PRKCE: variants seen among roughly 807,000 people sequenced by gnomAD.
PRKCE encodes protein kinase C epsilon, also known as protein kinase C epsilon type.
In PRKCE, 16 loss-of-function variants were observed where a neutral mutation model predicts 85.4. The ratio of observed to expected loss-of-function variants is 0.19; its 90% confidence interval spans 0.13 to 0.28. The LOEUF (loss-of-function observed/expected upper bound fraction) is 0.28. PRKCE is among the 10% of genes least tolerant of loss of function. The pLI, the probability that PRKCE is intolerant of heterozygous loss-of-function variation, is 1.00. For missense variants in PRKCE, 573 were observed against 975.2 expected (o/e 0.59, Z 5.49); for synonymous variants, 388 against 371.5 (o/e 1.04, Z -0.51).
Position 45,843,075 on chromosome 2 carries a change from T to G in PRKCE, c.412+12T>G, listed in dbSNP as rs747412773. The G allele has an allele frequency of 1.2e-6, 2 of 1,612,548 alleles. No individual in the cohort carries two copies. Among genetic ancestry groups the G allele is most frequent in the East Asian group, 4.5e-5 (2 of 44,868 alleles). On this transcript the variant is annotated intron_variant, in intron 2 of 14. Transcript: ENST00000306156. Reference sequence around the variant, plus strand: ...GTCGTCGGGTGAAGGTAGGAGAGCGTGACTTCTCATCCCTGTTTTCTTCCA... The same window carrying G: ...GTCGTCGGGTGAAGGTAGGAGAGCGGGACTTCTCATCCCTGTTTTCTTCCA...
At chr2:45,874,269 A>G (rs1694308654) in intron 2 of PRKCE, among the ~76,000 whole-genome samples, 1 of 152,190 alleles carries the variant, frequency 6.6e-6, no homozygotes, top group African/African-American at 2.4e-5. Flanking sequence ...GCCTGCAGGA[A>G]TATTTGGTCA....
chr2:45,949,294 C>G (rs1473260574), intron 2 of PRKCE, among the ~76,000 whole-genome samples: 1 of 151,976 alleles, frequency 6.6e-6, no homozygotes, highest in East Asian at 1.9e-4. Context: ...TTTTTGTCAA[C>G]TAATAAATAC....
intron 1 of PRKCE, among the ~76,000 whole-genome samples, chr2:45,787,913 C>G (rs1686736503): frequency 6.6e-6 from 1 of 152,166 alleles, no homozygotes. Flanking sequence ...TGCGATCCTG[C>G]CAGCCACAGA....
chr2:46,117,626 T>A (rs141416082), intron 11 of PRKCE, among the ~76,000 whole-genome samples: 1 of 152,338 alleles, frequency 6.6e-6, no homozygotes, highest in African/African-American at 2.4e-5. Flanking sequence ...ATGTGGGTCC[T>A]AAGCCAGTTC....
rs1553336284 is a variant in PRKCE, at chr2:46,064,297, A to AAAAAAG, written c.1438-21900_1438-21895dup. ...CTCTGTCTCAAAAAAAAAAAAAAAAAAAAAAGAAAAAGAAAATTGTTAACT... is the reference window on the plus strand; with the variant it reads ...CTCTGTCTCAAAAAAAAAAAAAAAAAAAAAAGAAAAAGAAAAAGAAAATTGTTAACT... On this transcript the variant is annotated intron_variant, in intron 10 of 14. Coordinates refer to ENST00000306156, the MANE Select transcript of PRKCE (RefSeq NM_005400.3). Among the ~76,000 whole-genome samples, 316 of 140,740 alleles carry AAAAAAG rather than the reference A, an allele frequency of 2.2e-3. 2 individuals carry two copies. Among genetic ancestry groups the AAAAAAG allele is most frequent in the African/African-American group, 2.9e-3 (105 of 35,700 alleles). 92.3% of individuals were successfully genotyped at this position (140,740 alleles called of 152,430 possible).
At chr2:46,162,777 AG>A (rs1677910349) in intron 14 of PRKCE, among the ~76,000 whole-genome samples, 1 of 152,210 alleles carries the variant, frequency 6.6e-6, no homozygotes, top group South Asian at 2.1e-4. Context: ...CCTTGGCACT[AG>A]AGATTTCTCT....
At chr2:45,870,146 C>G (rs1693974882) in intron 2 of PRKCE, among the ~76,000 whole-genome samples, 3 of 152,212 alleles carry the variant, frequency 2.0e-5, no homozygotes, top group Non-Finnish European at 4.4e-5. Context: ...TGAAGGGCTC[C>G]TCACATCTGA....
intron 2 of PRKCE, among the ~76,000 whole-genome samples, chr2:45,904,556 G>T (rs1043483731): frequency 6.6e-6 from 1 of 152,166 alleles, no homozygotes; most frequent in Non-Finnish European, 1.5e-5. Flanking sequence ...TGCTCGGTGG[G>T]TTGGGCTCTG....
chr2:45,932,754 A>C (rs1253153561), intron 2 of PRKCE, among the ~76,000 whole-genome samples: 2 of 152,170 alleles, frequency 1.3e-5, no homozygotes, highest in African/African-American at 4.8e-5. Context: ...CGTCTTTCCA[A>C]GTTGAAATTC....
chr2:45,984,040 C>T (rs928933847), intron 5 of PRKCE, among the ~76,000 whole-genome samples: 7 of 150,738 alleles, frequency 4.6e-5, no homozygotes, highest in African/African-American at 1.7e-4. Context: ...CGGATTCAAG[C>T]AATTCTCCTG....
At chr2:45,761,940 C>T (rs1684540631) in intron 1 of PRKCE, among the ~76,000 whole-genome samples, 1 of 152,120 alleles carries the variant, frequency 6.6e-6, no homozygotes, top group Non-Finnish European at 1.5e-5. Flanking sequence ...TTCAGGACCA[C>T]CCAGCAAGTT....
At chr2:45,912,618 G>A (rs1697464842) in intron 2 of PRKCE, among the ~76,000 whole-genome samples, 1 of 152,116 alleles carries the variant, frequency 6.6e-6, no homozygotes, top group East Asian at 1.9e-4. Context: ...GCCAACCTGG[G>A]GACCATGAGA....
chr2:45,803,451 T>A (rs1688021701), intron 1 of PRKCE, among the ~76,000 whole-genome samples: 1 of 152,210 alleles, frequency 6.6e-6, no homozygotes, highest in Non-Finnish European at 1.5e-5. Flanking sequence ...TCCACTCTCT[T>A]TAGGCAAGGA....
rs535734657 is a variant in PRKCE at position 45,693,861 on chromosome 2, C to T, written c.348+41413C>T. 6.6e-5 allele frequency among the ~76,000 whole-genome samples: 10 copies of T among 151,906 alleles called. No homozygotes were observed. The South Asian group carries it at 8.4e-4, about 13-fold the overall frequency. ...TAGAGAGGACAGTACATTGATAAGG[C>T]GAATTCTGGAAAAGATGGCAGGTCC... is the stretch of plus-strand genomic sequence containing the variant. On this transcript the variant is annotated intron_variant, in intron 1 of 14. Transcript: ENST00000306156.
intron 2 of PRKCE, among the ~76,000 whole-genome samples, chr2:45,900,487 A>G (rs889895947): frequency 6.6e-6 from 1 of 152,250 alleles, no homozygotes; most frequent in Non-Finnish European, 1.5e-5. Context: ...CTTTGAAAAC[A>G]TTATGCTATG....
In PRKCE at chr2:45,665,629, C is replaced by G. The variant is rs188642005; in HGVS notation, c.348+13181C>G. Reference sequence around the variant, plus strand: ...CCATCCTATTTCTCTTGCAGGTGCACTGAGCCCAGAGTTGCCAGAGGAAAT... The same window carrying G: ...CCATCCTATTTCTCTTGCAGGTGCAGTGAGCCCAGAGTTGCCAGAGGAAAT... On this transcript the variant is annotated intron_variant, in intron 1 of 14. Coordinates refer to ENST00000306156, the MANE Select transcript of PRKCE (RefSeq NM_005400.3). Among the ~76,000 whole-genome samples, 79 of 152,312 alleles carry G rather than the reference C, an allele frequency of 5.2e-4. 2 individuals are homozygous for G. In the East Asian group the frequency reaches 0.013, roughly 25 times the overall value.
chr2:46,109,656 A>G (rs1672073012), intron 11 of PRKCE, among the ~76,000 whole-genome samples: 1 of 152,078 alleles, frequency 6.6e-6, no homozygotes, highest in African/African-American at 2.4e-5. Context: ...AATAAAGACA[A>G]TTTTGTTAAT....
intron 2 of PRKCE, among the ~76,000 whole-genome samples, chr2:45,850,791 A>G (rs546879399): frequency 6.6e-6 from 1 of 152,218 alleles, no homozygotes. Context: ...CATGTGCCCA[A>G]GTGCACACAG....
intron 2 of PRKCE, among the ~76,000 whole-genome samples, chr2:45,927,670 A>C (rs1039091715): frequency 6.6e-6 from 1 of 152,244 alleles, no homozygotes; most frequent in Non-Finnish European, 1.5e-5. Context: ...CAGAACTGTA[A>C]ATCAGCAGGA....
Sources: gnomAD v4.1 joint callset for allele counts (sites outside exome capture counted in the v4.1 genomes callset) on GRCh38, gnomAD v4.1.1 for gene constraint, MANE v1.5 for transcripts, NCBI Gene and HGNC (gene_info 2026-07-23, HGNC 2026-07-21) for gene names.